The following MARCHF1 variants were observed in gnomAD, a reference collection of about 807,000 sequenced individuals.
MARCHF1 encodes the protein E3 ubiquitin-protein ligase MARCHF1.
In MARCHF1, 40 loss-of-function variants were observed where a neutral mutation model predicts 54.2. The ratio of observed to expected loss-of-function variants is 0.74; its 90% CI spans 0.57 to 0.96. The LOEUF (loss-of-function observed/expected upper bound fraction) is 0.96, where lower values mean the gene tolerates loss of function less well. MARCHF1 is among the 40% of genes least tolerant of loss of function. The probability of loss-of-function intolerance (pLI) is 0.00; values close to 1 mark genes in which losing one functional copy is unlikely to be tolerated. For synonymous variants in MARCHF1, 236 were observed against 236.3 expected, an observed-to-expected ratio of 1.00 and a Z score of 0.01; for missense variants, 586 against 656.5, an observed-to-expected ratio of 0.89 and a Z score of 1.17.
intron 1 of MARCHF1, among the ~76,000 whole-genome samples, chr4:164,364,314 C>G (rs917455432): frequency 6.6e-6 from 1 of 151,948 alleles, no homozygotes; most frequent in African/African-American, 2.4e-5. Context: ...CCTACCAGAG[C>G]CCTTGAATAT....
chr4:163,731,906 G>A (rs528542402), intron 4 of MARCHF1, among the ~76,000 whole-genome samples: 6 of 152,202 alleles, frequency 3.9e-5, no homozygotes, highest in South Asian at 4.1e-4. Context: ...AAATAAAAGC[G>A]AAACCTAAAA....
chr4:164,059,444 C>A (rs893946100), intron 2 of MARCHF1, among the ~76,000 whole-genome samples: 1 of 152,086 alleles, frequency 6.6e-6, no homozygotes, highest in African/African-American at 2.4e-5. Context: ...AAATTAAGAG[C>A]TCTCATTAAA....
At chr4:163,844,218 A>G (rs1274378495) in intron 4 of MARCHF1, among the ~76,000 whole-genome samples, 1 of 152,106 alleles carries the variant, frequency 6.6e-6, no homozygotes, top group African/African-American at 2.4e-5. Flanking sequence ...AAGTGAGAGC[A>G]TGAGGTACGT....
chr4:164,132,449 C>T (rs1395410222), intron 1 of MARCHF1, among the ~76,000 whole-genome samples: 1 of 152,076 alleles, frequency 6.6e-6, no homozygotes, highest in Non-Finnish European at 1.5e-5. Context: ...GGCAAGAATA[C>T]ATTAGAGGTG....
chr4:163,734,961 C>A (rs1185590167), intron 4 of MARCHF1, among the ~76,000 whole-genome samples: 1 of 152,164 alleles, frequency 6.6e-6, no homozygotes, highest in Non-Finnish European at 1.5e-5. Context: ...AAAGGTTCTA[C>A]ATGATCTGGC....
chr4:163,623,092 C>T (rs138494792), intron 5 of MARCHF1, among the ~76,000 whole-genome samples: 166 of 152,228 alleles, frequency 1.1e-3, no homozygotes, highest in African/African-American at 3.6e-3. Context: ...TAGCCCATGT[C>T]ACCTCCCATT....
intron 1 of MARCHF1, among the ~76,000 whole-genome samples, chr4:164,241,876 T>C (rs950079446): frequency 6.6e-6 from 1 of 152,150 alleles, no homozygotes; most frequent in Non-Finnish European, 1.5e-5. Context: ...GGATGGCACC[T>C]GGAAAATCAG....
At chr4:164,137,365 A>T (rs1250397060) in intron 1 of MARCHF1, among the ~76,000 whole-genome samples, 1 of 152,208 alleles carries the variant, frequency 6.6e-6, no homozygotes, top group Non-Finnish European at 1.5e-5. Context: ...AATAATTATG[A>T]TAATATATTT....
intron 5 of MARCHF1, 76 bp downstream of exon 5, chr4:163,700,735 AGG>A (rs1430817877): frequency 9.3e-7 from 1 of 1,071,740 alleles, no homozygotes; most frequent in Non-Finnish European, 1.4e-6. Context: ...TAACAATTAT[AGG>A]TTAAACATTA....
intron 5 of MARCHF1, among the ~76,000 whole-genome samples, chr4:163,620,268 G>A (rs1447035619): frequency 6.6e-6 from 1 of 152,128 alleles, no homozygotes; most frequent in African/African-American, 2.4e-5. Context: ...AATACCCAGT[G>A]TAGCCGAGGT....
intron 2 of MARCHF1, among the ~76,000 whole-genome samples, chr4:164,106,553 G>A (rs1755704042): frequency 7.0e-6 from 1 of 142,640 alleles, no homozygotes; most frequent in African/African-American, 2.7e-5. Context: ...ACTCATAGGT[G>A]GGAATTGAAC....
chr4:163,787,248 T>G (rs1747647721), intron 4 of MARCHF1, among the ~76,000 whole-genome samples: 1 of 151,570 alleles, frequency 6.6e-6, no homozygotes, highest in Non-Finnish European at 1.5e-5. Context: ...CAAACTTAAA[T>G]CCTTCTAAGC....
chr4:164,196,728 A>G (rs958172906), intron 1 of MARCHF1, among the ~76,000 whole-genome samples: 3 of 152,314 alleles, frequency 2.0e-5, no homozygotes, highest in African/African-American at 7.2e-5. Context: ...TAATCATTCT[A>G]CAAAGCTAGT....
At chr4:163,602,978 G>C (rs1741021163) in intron 7 of MARCHF1, among the ~76,000 whole-genome samples, 1 of 152,064 alleles carries the variant, frequency 6.6e-6, no homozygotes, top group Non-Finnish European at 1.5e-5. Flanking sequence ...CACAATTAGA[G>C]ACTCTGAAAA....
At chr4:163,739,744 A>T (rs1288574220) in intron 4 of MARCHF1, among the ~76,000 whole-genome samples, 2 of 152,204 alleles carry the variant, frequency 1.3e-5, no homozygotes, top group African/African-American at 4.8e-5. Context: ...TTTATGTGCT[A>T]ATTTTCAGAA....
At chr4:163,597,609 A>G (rs1376004497) in intron 7 of MARCHF1, among the ~76,000 whole-genome samples, 2 of 152,214 alleles carry the variant, frequency 1.3e-5, no homozygotes, top group Non-Finnish European at 2.9e-5. Flanking sequence ...TATTTCTAGT[A>G]ACTACAAACT....
At chr4:164,344,127 A>G (rs959950127) in intron 1 of MARCHF1, among the ~76,000 whole-genome samples, 2 of 152,218 alleles carry the variant, frequency 1.3e-5, no homozygotes, top group African/African-American at 2.4e-5. Flanking sequence ...ACAAGAACAG[A>G]AAACCAAATA....
intron 1 of MARCHF1, among the ~76,000 whole-genome samples, chr4:164,211,825 G>A (rs1026733896): frequency 2.0e-5 from 3 of 151,954 alleles, no homozygotes; most frequent in African/African-American, 4.8e-5. Context: ...GAGAGAGTTC[G>A]CTTTGAAACT....
intron 2 of MARCHF1, among the ~76,000 whole-genome samples, chr4:164,087,325 A>G (rs895966939): frequency 6.6e-6 from 1 of 152,152 alleles, no homozygotes; most frequent in Non-Finnish European, 1.5e-5. Context: ...TATAGTGTGT[A>G]CAGTATTCTT....
Sources: gnomAD v4.1 joint callset for allele counts (sites outside exome capture counted in the v4.1 genomes callset) on GRCh38, gnomAD v4.1.1 for gene constraint, MANE v1.5 for transcripts, NCBI Gene and HGNC (gene_info 2026-07-23, HGNC 2026-07-21) for gene names.